MAEL: variants seen among roughly 807,000 people sequenced by gnomAD.
The protein encoded by MAEL is maelstrom spermatogenic transposon silencer.
MAEL carries 46 observed loss-of-function variants against 62.0 expected under a neutral mutation model. The ratio of observed to expected loss-of-function variants is 0.74; its 90% CI spans 0.59 to 0.95. The LOEUF is 0.95. MAEL is among the 40% of genes least tolerant of loss of function. The pLI is 0.00. For synonymous variants in MAEL, 172 were observed against 175.5 expected, an observed-to-expected ratio of 0.98 and a Z score of 0.16; for missense variants, 497 against 526.8, an observed-to-expected ratio of 0.94 and a Z score of 0.55.
intron 8 of MAEL, among the ~76,000 whole-genome samples, chr1:167,011,173 T>G (rs1021303184): frequency 2.6e-5 from 4 of 152,212 alleles, no homozygotes; most frequent in Non-Finnish European, 5.9e-5. Context: ...GCTCTCCATT[T>G]TCTTTCTTCC....
chr1:166,978,114 T>C (rs1663649137), intron 1 of MAEL, among the ~76,000 whole-genome samples: 1 of 152,214 alleles, frequency 6.6e-6, no homozygotes, highest in South Asian at 2.1e-4. Context: ...GTCTGTGTAG[T>C]TGAATCAGGA....
intron 1 of MAEL, among the ~76,000 whole-genome samples, chr1:166,982,602 G>C (rs1435473398): frequency 6.6e-6 from 1 of 151,910 alleles, no homozygotes; most frequent in Non-Finnish European, 1.5e-5. Context: ...AACACTTGTG[G>C]TGCTCTTCAG....
At chr1:166,977,889 T>C (rs559367346) in intron 1 of MAEL, among the ~76,000 whole-genome samples, 1 of 152,296 alleles carries the variant, frequency 6.6e-6, no homozygotes, top group African/African-American at 2.4e-5. Flanking sequence ...AGGTTGAGGC[T>C]GCAGTGAGCT....
rs537781516 is a variant in MAEL at position 167,002,775 on chromosome 1, G to C, written c.524-1405G>C. On this transcript the variant is annotated intron_variant, in intron 5 of 11. Transcript: ENST00000367872. ...AAACAATGGAAGCCAGAAGACAATG[G>C]AATATTTTTTTAATTATAAATTTTT... 2.0e-5 allele frequency among the ~76,000 whole-genome samples: 3 copies of C among 152,276 alleles called. No homozygotes were observed. The East Asian group carries it at 5.8e-4, about 29-fold the overall frequency.
chr1:166,997,333 A>G (rs1027969574), intron 5 of MAEL, among the ~76,000 whole-genome samples: 4 of 152,162 alleles, frequency 2.6e-5, no homozygotes, highest in African/African-American at 4.8e-5. Context: ...CGTGATATAT[A>G]TATTTCCTTT....
At position 166,989,351 on chromosome 1, in the gene MAEL, C is replaced by T; in HGVS notation, c.-2C>T. On this transcript the variant is annotated 5_prime_UTR_variant, in exon 1 of 12. Transcript: ENST00000367872. ...GAGGCCAGGAAGTTTGACCGCGCTG[C>T]CATGCCGAACCGTAAGGCCAGCCGG... The T allele has an allele frequency of 6.2e-7, 1 of 1,609,052 alleles. No homozygotes were observed.
intron 8 of MAEL, among the ~76,000 whole-genome samples, chr1:167,006,615 A>ATATATATATATG (rs1664912915): frequency 2.7e-5 from 2 of 73,302 alleles, no homozygotes; most frequent in Non-Finnish European, 5.6e-5. Flanking sequence ...ATATATATAT[A>ATATATATATATG]TATATATATA....
chr1:166,985,389 T>C (rs1571235413), upstream of MAEL, among the ~76,000 whole-genome samples: 1 of 152,074 alleles, frequency 6.6e-6, no homozygotes, highest in African/African-American at 2.4e-5. Context: ...TACTGATCAG[T>C]GCATGTGTGG....
Position 166,997,362 on chromosome 1 carries a change from A to G in MAEL, c.523+3293A>G, listed in dbSNP as rs554607346. ...TTCCTTTCCTGTGTTTTTTAACTCA[A>G]TATCTTTCACTCGTTTTCTATTGAA... On this transcript the variant is annotated intron_variant, in intron 5 of 11. Coordinates refer to ENST00000367872, the MANE Select transcript of MAEL (RefSeq NM_032858.3). 1.5e-4 allele frequency among the ~76,000 whole-genome samples: 23 copies of G among 152,332 alleles called. No homozygotes were observed. In the South Asian group the frequency reaches 3.7e-3, roughly 25 times the overall value.
intron 5 of MAEL, among the ~76,000 whole-genome samples, chr1:166,999,700 G>A (rs1222094600): frequency 6.6e-6 from 1 of 152,182 alleles, no homozygotes; most frequent in Non-Finnish European, 1.5e-5. Flanking sequence ...CACCATCTGG[G>A]AGTTTCATAG....
chr1:166,988,454 C>T (rs918948176), upstream of MAEL, among the ~76,000 whole-genome samples: 11 of 148,264 alleles, frequency 7.4e-5, no homozygotes, highest in African/African-American at 2.2e-4. Flanking sequence ...GATTTTAAAA[C>T]ATATACATAC....
chr1:166,978,321 A>G (rs1663656059), intron 1 of MAEL, among the ~76,000 whole-genome samples: 1 of 152,208 alleles, frequency 6.6e-6, no homozygotes, highest in East Asian at 1.9e-4. Flanking sequence ...AGTGAATCAC[A>G]ATGTGTGCCC....
At chr1:166,998,352 A>T (rs1664516378) in intron 5 of MAEL, among the ~76,000 whole-genome samples, 1 of 152,230 alleles carries the variant, frequency 6.6e-6, no homozygotes, top group Non-Finnish European at 1.5e-5. Context: ...TTAAATTTAT[A>T]GTTTATCATG....
chr1:166,976,607 T>C (rs192261222), intron 1 of MAEL, among the ~76,000 whole-genome samples: 26 of 152,204 alleles, frequency 1.7e-4, no homozygotes, highest in African/African-American at 6.3e-4. Flanking sequence ...GCACAAGATT[T>C]GAGCCATTCA....
At chr1:167,019,457 C>T (rs1415255141) in intron 10 of MAEL, among the ~76,000 whole-genome samples, 2 of 152,082 alleles carry the variant, frequency 1.3e-5, no homozygotes, top group African/African-American at 4.8e-5. Context: ...ATTTCCCAGC[C>T]CTTCCCAACT....
chr1:167,005,297 G>A lies in MAEL; in HGVS notation c.745G>A (p.Val249Ile). Residue 249 changes from valine (V) to isoleucine (I), a missense_variant, in exon 8 of 12, where the codon GTA becomes ATA. Transcript: ENST00000367872. ...DLQLLTVEDLVVGIYQQKFLK... is the reference protein window; with the variant it reads ...DLQLLTVEDLIVGIYQQKFLK... ...ACAACTTCTCACTGTAGAGGACCTTGTAGTGGGGATCTACCAACAAAAATT... is the reference window on the plus strand; with the variant it reads ...ACAACTTCTCACTGTAGAGGACCTTATAGTGGGGATCTACCAACAAAAATT... The A allele has an allele frequency of 6.2e-7, 1 of 1,613,682 alleles. No homozygotes were observed. Among genetic ancestry groups the A allele is most frequent in the Non-Finnish European group, 8.5e-7 (1 of 1,179,742 alleles).
At chr1:167,011,015 A>G (rs1461136243) in intron 8 of MAEL, among the ~76,000 whole-genome samples, 1 of 149,144 alleles carries the variant, frequency 6.7e-6, no homozygotes, top group East Asian at 2.0e-4. Flanking sequence ...TTTTTTTTCT[A>G]CCTAATTTCT....
intron 2 of MAEL, chr1:166,990,764 G>A (rs1339552589): frequency 6.6e-6 from 1 of 152,222 alleles, no homozygotes; most frequent in Non-Finnish European, 1.5e-5. Flanking sequence ...ATTTGTATCA[G>A]GAAAGTGCCA....
chr1:167,021,731 C>T lies in MAEL; in HGVS notation c.1181C>T (p.Thr394Ile), dbSNP rs1158687527. 6.2e-7 allele frequency: 1 copy of T among 1,613,288 alleles called. No individual in the cohort carries two copies. The highest frequency in any genetic ancestry group is 8.5e-7 in the Non-Finnish European group (1 of 1,179,694). Residue 394 changes from threonine to isoleucine, a missense_variant, in exon 12 of 12, where the codon ACC (threonine) becomes ATC (isoleucine). Physicochemically the swap from Thr to Ile is moderately conservative, Grantham distance 89. Transcript: ENST00000367872. ...QNSSVRGRGI[T>I]RLLESISNSS... The stretch of plus-strand genomic sequence containing the variant: ...AGCAGCGTTCGGGGAAGAGGAATTA[C>T]CCGCTTACTAGAGAGCATTTCCAAT...
Sources: gnomAD v4.1 joint callset for allele counts (sites outside exome capture counted in the v4.1 genomes callset) on GRCh38, gnomAD v4.1.1 for gene constraint, MANE v1.5 for transcripts, NCBI Gene and HGNC (gene_info 2026-07-23, HGNC 2026-07-21) for gene names.